Variants in POC1B observed in about 807,000 individuals in gnomAD.
POC1B encodes the protein POC1 centriolar protein homolog B.
A neutral mutation model predicts 60.6 loss-of-function variants in POC1B; 44 were observed. The observed-to-expected ratio is 0.73, with a 90% CI of 0.57 to 0.93. POC1B has a LOEUF of 0.93. Ranked by LOEUF, POC1B falls within the 40% of genes least tolerant of loss-of-function variation. The pLI, the probability that POC1B is intolerant of heterozygous loss-of-function variation, is 0.00. For missense variants in POC1B, 555 were observed against 572.3 expected, an observed-to-expected ratio of 0.97 and a Z score of 0.31; for synonymous variants, 180 against 198.9, an observed-to-expected ratio of 0.90 and a Z score of 0.80.
At chr12:89,483,147 C>T (rs1868442991) in intron 4 of POC1B, among the ~76,000 whole-genome samples, 1 of 152,102 alleles carries the variant, frequency 6.6e-6, no homozygotes, top group African/African-American at 2.4e-5. Flanking sequence ...GGTGATCCAC[C>T]CACCTTGGCC....
intron 10 of POC1B, among the ~76,000 whole-genome samples, chr12:89,448,917 A>T (rs536264380): frequency 8.5e-4 from 129 of 152,300 alleles, no homozygotes; most frequent in Non-Finnish European, 1.7e-3. Context: ...ACTTACAAAC[A>T]TTGGTTGACT....
At chr12:89,487,372 T>G (rs1868694284) in intron 4 of POC1B, among the ~76,000 whole-genome samples, 1 of 152,196 alleles carries the variant, frequency 6.6e-6, no homozygotes, top group Non-Finnish European at 1.5e-5. Context: ...CATCGTTTTC[T>G]TCTCTCAAAT....
At chr12:89,507,266 CAAAAAAAAAAA>C (rs34750133) in intron 2 of POC1B, among the ~76,000 whole-genome samples, 2 of 64,054 alleles carry the variant, frequency 3.1e-5, no homozygotes, top group South Asian at 1.5e-3. Flanking sequence ...GGCCCTGTCT[CAAAAAAAAAAA>C]AAAAAAAAAA....
intron 2 of POC1B, chr12:89,523,481 A>T: frequency 6.2e-7 from 1 of 1,613,088 alleles, no homozygotes; most frequent in Non-Finnish European, 8.5e-7. Flanking sequence ...ACGTGGGAAC[A>T]CGGGTGGATC....
chr12:89,425,044 G>C, intron 11 of POC1B, 117 bp downstream of exon 11: 1 of 1,002,276 alleles, frequency 1.0e-6, no homozygotes, highest in South Asian at 1.6e-5. Flanking sequence ...CCTTGAGTTT[G>C]CTTTGCTAGT....
intron 7 of POC1B, 31 bp from the exon 8 acceptor site, chr12:89,467,716 G>A (rs781752155): frequency 2.6e-6 from 4 of 1,546,892 alleles, no homozygotes; most frequent in Non-Finnish European, 3.6e-6. Context: ...AAGAAAAAAA[G>A]TACTTGGTAA....
At chr12:89,412,834 C>CCTT in the POC1B span, among the ~76,000 whole-genome samples, 8 of 127,910 alleles carry the variant, frequency 6.3e-5, no homozygotes, top group African/African-American at 1.7e-4. Context: ...TTCCTTCCTT[C>CCTT]CTTCCTTCCT....
At chr12:89,423,952 C>T (rs1302264096) in intron 11 of POC1B, among the ~76,000 whole-genome samples, 1 of 152,146 alleles carries the variant, frequency 6.6e-6, no homozygotes, top group Admixed American at 6.5e-5. Flanking sequence ...ATATGGGAAA[C>T]AAACCAACTA....
chr12:89,403,214 G>A, the POC1B span, among the ~76,000 whole-genome samples: 1 of 152,052 alleles, frequency 6.6e-6, no homozygotes, highest in African/African-American at 2.4e-5. Context: ...CACCATGTTG[G>A]CCAGGCTGGG....
intron 10 of POC1B, among the ~76,000 whole-genome samples, chr12:89,433,709 C>A (rs780607525): frequency 4.6e-5 from 7 of 152,132 alleles, no homozygotes; most frequent in African/African-American, 1.2e-4. Flanking sequence ...GAGTGGGAGG[C>A]TTTACACTAA....
chr12:89,433,615 G>A (rs1881131257), intron 10 of POC1B, among the ~76,000 whole-genome samples: 1 of 152,238 alleles, frequency 6.6e-6, no homozygotes, highest in Non-Finnish European at 1.5e-5. Context: ...AGCAGGCAGT[G>A]TAAAGCAGGA....
chr12:89,495,087 T>G (rs1869176713), intron 3 of POC1B, among the ~76,000 whole-genome samples: 1 of 152,194 alleles, frequency 6.6e-6, no homozygotes, highest in African/African-American at 2.4e-5. Flanking sequence ...TATTGCTCTG[T>G]CCCTACTAAG....
At chr12:89,458,395 A>G (rs1882343013) in intron 10 of POC1B, among the ~76,000 whole-genome samples, 1 of 152,252 alleles carries the variant, frequency 6.6e-6, no homozygotes, top group South Asian at 2.1e-4. Flanking sequence ...ATGCTGCTAG[A>G]GTTATAAACA....
intron 9 of POC1B, chr12:89,459,964 T>G: frequency 4.2e-6 from 2 of 471,938 alleles, no homozygotes; most frequent in Non-Finnish European, 7.7e-6. Flanking sequence ...CTTTAGAAAA[T>G]CAATGTAATT....
chr12:89,472,150 CAAAG>C lies in POC1B; in HGVS notation c.560+14_560+17del. The C allele has an allele frequency of 6.8e-7, 1 of 1,474,472 alleles. No homozygotes were observed. The highest frequency in any genetic ancestry group is 9.4e-7 in the Non-Finnish European group (1 of 1,065,868). The allele number at this position is 1,474,472 out of a possible 1,614,324, so 91.3% of individuals were successfully genotyped here. On this transcript the variant is annotated intron_variant, in intron 5 of 11. Transcript: ENST00000313546. The stretch of plus-strand genomic sequence containing the variant: ...TAGAAAACTAACCCACATAAATGCA[CAAAG>C]AAAGTGTACTTACCCAACGGAATCT...
At chr12:89,441,467 G>A (rs1027245095) in intron 10 of POC1B, among the ~76,000 whole-genome samples, 7 of 152,224 alleles carry the variant, frequency 4.6e-5, no homozygotes, top group Non-Finnish European at 7.3e-5. Flanking sequence ...AATATTTGCT[G>A]TTCTGAAGCC....
At chr12:89,516,093 A>G (rs1870429318) in intron 2 of POC1B, among the ~76,000 whole-genome samples, 1 of 152,186 alleles carries the variant, frequency 6.6e-6, no homozygotes, top group Non-Finnish European at 1.5e-5. Context: ...AAAGTGGTGC[A>G]TGATTCTCTA....
rs1484622903 is a variant in POC1B at position 89,459,632 on chromosome 12, A to C, written c.1113+6T>G. The C allele has an allele frequency of 7.5e-7, 1 of 1,326,280 alleles. No individual in the cohort carries two copies. The highest frequency in any genetic ancestry group is 1.5e-5 in the South Asian group (1 of 66,166). 82.2% of individuals were successfully genotyped at this position (1,326,280 alleles called of 1,614,324 possible). Reference sequence around the variant, plus strand: ...TGTCAAAAAAAAAAAAAAAAACCCGACTTACTGTGGTAGAATCAAAAGAAA... The same window carrying C: ...TGTCAAAAAAAAAAAAAAAAACCCGCCTTACTGTGGTAGAATCAAAAGAAA... On this transcript the variant is annotated splice_donor_region_variant and intron_variant, in intron 10 of 11. Coordinates refer to ENST00000313546, the MANE Select transcript of POC1B (RefSeq NM_172240.3).
intron 4 of POC1B, among the ~76,000 whole-genome samples, chr12:89,491,652 GA>G (rs1246222239): frequency 1.5e-4 from 21 of 141,038 alleles, no homozygotes; most frequent in Non-Finnish European, 2.3e-4. Context: ...AAAAAAAAAA[GA>G]AAAAAAAATT....
Sources: allele counts gnomAD v4.1 joint callset (sites outside exome capture counted in the v4.1 genomes callset), GRCh38; gene constraint gnomAD v4.1.1; transcripts MANE v1.5; gene names NCBI Gene and HGNC (gene_info 2026-07-23, HGNC 2026-07-21).